The following ATP8A2 variants were observed in gnomAD, a reference collection of about 807,000 sequenced individuals.
ATP8A2 encodes phospholipid-transporting ATPase IB.
ATP8A2 carries 100 observed loss-of-function variants against 165.6 expected under a neutral mutation model. The ratio of observed to expected loss-of-function variants is 0.60; its 90% CI spans 0.51 to 0.71. The LOEUF (loss-of-function observed/expected upper bound fraction) is 0.71, where lower values mean the gene tolerates loss of function less well. Ranked by LOEUF, ATP8A2 falls within the 30% of genes least tolerant of loss-of-function variation. The pLI is 0.00. For synonymous variants in ATP8A2, 543 were observed against 548.8 expected, an observed-to-expected ratio of 0.99 and a Z score of 0.15; for missense variants, 1,227 against 1,479.5, an observed-to-expected ratio of 0.83 and a Z score of 2.80.
chr13:25,924,628 C>T (rs146771360), intron 33 of ATP8A2, among the ~76,000 whole-genome samples: 1,308 of 91,886 alleles, frequency 0.014, 27 homozygotes, highest in African/African-American at 0.047. Context: ...AGGGCTAGGG[C>T]TTCAACATTT....
intron 33 of ATP8A2, among the ~76,000 whole-genome samples, chr13:25,932,873 G>C (rs1954801919): frequency 6.6e-6 from 1 of 152,092 alleles, no homozygotes; most frequent in Non-Finnish European, 1.5e-5. Context: ...TTGAGACGGA[G>C]TCTCACTCTG....
chr13:25,640,907 T>C (rs922812245), intron 24 of ATP8A2, among the ~76,000 whole-genome samples: 1 of 152,182 alleles, frequency 6.6e-6, no homozygotes, highest in African/African-American at 2.4e-5. Context: ...TTATCCACCA[T>C]GATCAAGTGG....
intron 2 of ATP8A2, among the ~76,000 whole-genome samples, chr13:25,509,199 T>C (rs925635445): frequency 1.3e-4 from 20 of 152,204 alleles, no homozygotes; most frequent in African/African-American, 4.8e-4. Context: ...GGAGAGACAG[T>C]GTTTGAAATG....
intron 30 of ATP8A2, among the ~76,000 whole-genome samples, chr13:25,854,244 A>G (rs759556008): frequency 6.6e-6 from 1 of 152,288 alleles, no homozygotes; most frequent in South Asian, 2.1e-4. Flanking sequence ...CATCCCAAAC[A>G]CCGCTGTTTA....
At chr13:25,395,360 T>G (rs1023397815) in intron 1 of ATP8A2, among the ~76,000 whole-genome samples, 1 of 151,958 alleles carries the variant, frequency 6.6e-6, no homozygotes, top group Non-Finnish European at 1.5e-5. Flanking sequence ...ATCCTCACCT[T>G]CAGTTCTGTG....
chr13:25,570,246 G>A (rs2138173951), intron 16 of ATP8A2, among the ~76,000 whole-genome samples: 1 of 152,260 alleles, frequency 6.6e-6, no homozygotes, highest in East Asian at 1.9e-4. Context: ...GGAGATGGGA[G>A]CATCTTCTGT....
intron 30 of ATP8A2, among the ~76,000 whole-genome samples, chr13:25,858,404 G>A (rs944508169): frequency 1.1e-4 from 16 of 151,946 alleles, no homozygotes; most frequent in Non-Finnish European, 1.6e-4. Flanking sequence ...GCCATGTCTC[G>A]CCCCGTTCTC....
chr13:26,014,256 A>G (rs1956914476), intron 36 of ATP8A2, among the ~76,000 whole-genome samples: 1 of 152,222 alleles, frequency 6.6e-6, no homozygotes, highest in African/African-American at 2.4e-5. Flanking sequence ...GGTTCAGTGT[A>G]GGTCCTGCCA....
At chr13:25,535,752 T>G (rs1413103934) in intron 6 of ATP8A2, among the ~76,000 whole-genome samples, 1 of 151,876 alleles carries the variant, frequency 6.6e-6, no homozygotes, top group Non-Finnish European at 1.5e-5. Context: ...GAGGTGGAGG[T>G]TGCAGTGAGC....
chr13:25,915,824 G>T (rs1954254648), intron 33 of ATP8A2, among the ~76,000 whole-genome samples: 1 of 152,200 alleles, frequency 6.6e-6, no homozygotes, highest in Admixed American at 6.5e-5. Flanking sequence ...ACCAAGTAAG[G>T]TTTAATAAGT....
intron 18 of ATP8A2, among the ~76,000 whole-genome samples, chr13:25,573,244 G>T (rs1304052427): frequency 1.3e-5 from 2 of 152,126 alleles, no homozygotes; most frequent in African/African-American, 4.8e-5. Context: ...TGGGGGTTGG[G>T]GAGCTTGGAT....
At chr13:25,563,734 T>C (rs1466405672) in intron 15 of ATP8A2, among the ~76,000 whole-genome samples, 1 of 152,202 alleles carries the variant, frequency 6.6e-6, no homozygotes, top group Non-Finnish European at 1.5e-5. Context: ...GTAACTGTTG[T>C]TCTTTACAAT....
chr13:25,618,560 A>G (rs1039133940), intron 24 of ATP8A2, among the ~76,000 whole-genome samples: 2 of 151,090 alleles, frequency 1.3e-5, no homozygotes, highest in African/African-American at 2.4e-5. Context: ...AAAACATCTC[A>G]TTAGCAACTT....
In ATP8A2 at chr13:25,538,053, G is replaced by A; in HGVS notation, c.573G>A (p.Leu191=). ...GQYLPADVVL[L]SSSEPQAMCY... ...ATCTTCCAGCAGATGTGGTCCTGCT[G>A]TCATCCAGGTTAGCTGTGCTAGTAG... Residue 191 remains leucine, a synonymous_variant, in exon 7 of 37, where the codon CTG becomes CTA. Coordinates refer to ENST00000381655, the MANE Select transcript of ATP8A2 (RefSeq NM_016529.6). 3 of 1,613,776 alleles carry A rather than the reference G, an allele frequency of 1.9e-6. No individual in the cohort carries two copies. Among genetic ancestry groups the A allele is most frequent in the Middle Eastern group, 3.3e-4 (2 of 6,062 alleles).
At chr13:25,900,000 C>A (rs767589969) in intron 33 of ATP8A2, among the ~76,000 whole-genome samples, 20 of 152,186 alleles carry the variant, frequency 1.3e-4, no homozygotes, top group Non-Finnish European at 2.5e-4. Flanking sequence ...GATGCTGGGA[C>A]CTGCCCAGGG....
At chr13:25,769,408 G>A (rs1042825141) in intron 26 of ATP8A2, among the ~76,000 whole-genome samples, 179 bp downstream of exon 26, 15 of 152,178 alleles carry the variant, frequency 9.9e-5, no homozygotes, top group Admixed American at 2.0e-4. Context: ...GTGCAGTTTG[G>A]AGGCCCTGTC....
chr13:25,749,912 G>T (rs2044118021), intron 25 of ATP8A2, among the ~76,000 whole-genome samples: 1 of 152,080 alleles, frequency 6.6e-6, no homozygotes, highest in Non-Finnish European at 1.5e-5. Context: ...CACTAGTCCT[G>T]GCTACTAAGG....
chr13:26,006,954 T>A (rs1183394714), intron 35 of ATP8A2, among the ~76,000 whole-genome samples: 1 of 151,770 alleles, frequency 6.6e-6, no homozygotes, highest in African/African-American at 2.4e-5. Flanking sequence ...CTGAATTTAG[T>A]TTGCTAGAAT....
At position 25,437,024 on chromosome 13, in the gene ATP8A2, G is replaced by A. The variant is rs148094473; in HGVS notation, c.77-31953G>A. 3.3e-3 allele frequency among the ~76,000 whole-genome samples: 501 copies of A among 152,216 alleles called. 2 individuals carry two copies. Among genetic ancestry groups the A allele is most frequent in the African/African-American group, 0.012 (478 of 41,536 alleles). ...ATTCCTAAGCTCAAGTGACCCACCA[G>A]CCTCAGCTTCCCAAAGTGCTGGAAT... On this transcript the variant is annotated intron_variant, in intron 1 of 36. Transcript: ENST00000381655.
Sources: allele counts gnomAD v4.1 joint callset (sites outside exome capture counted in the v4.1 genomes callset), GRCh38; gene constraint gnomAD v4.1.1; transcripts MANE v1.5; gene names NCBI Gene and HGNC (gene_info 2026-07-23, HGNC 2026-07-21).